SLC39A11: variants seen among roughly 807,000 people sequenced by gnomAD.
SLC39A11 encodes the protein solute carrier family 39 member 11.
Under a neutral mutation model 36.1 loss-of-function variants are expected in SLC39A11, and 33 were observed. The observed-to-expected ratio is 0.91, with a 90% confidence interval of 0.69 to 1.22. The LOEUF is 1.22. Among genes scored for constraint, SLC39A11 ranks in the 50% most tolerant of loss-of-function variants. SLC39A11 has a pLI of 0.00. For synonymous variants in SLC39A11, 166 were observed against 170.3 expected, an observed-to-expected ratio of 0.97 and a Z score of 0.20; for missense variants, 432 against 430.3, an observed-to-expected ratio of 1.00 and a Z score of -0.03.
At chr17:72,895,786 C>T (rs1292171286) in intron 5 of SLC39A11, among the ~76,000 whole-genome samples, 1 of 152,106 alleles carries the variant, frequency 6.6e-6, no homozygotes, top group East Asian at 1.9e-4. Flanking sequence ...AATTCCATTA[C>T]TTTCAGCAAA....
At chr17:72,693,311 C>T (rs1360193200) in intron 7 of SLC39A11, among the ~76,000 whole-genome samples, 1 of 146,086 alleles carries the variant, frequency 6.8e-6, no homozygotes, top group African/African-American at 2.5e-5. Flanking sequence ...GGAACACTGA[C>T]CAGCCAGCAA....
chr17:73,026,200 G>GGAAGAGAAGAGAAGAGAAGAGAAGA (rs763842495), intron 4 of SLC39A11, among the ~76,000 whole-genome samples: 1 of 126,926 alleles, frequency 7.9e-6, no homozygotes, highest in Non-Finnish European at 1.6e-5. Flanking sequence ...AGAAGAGAAG[G>GGAAGAGAAGAGAAGAGAAGAGAAGA]GAAGAGAAGA....
chr17:72,809,345 T>G (rs2077365322), intron 6 of SLC39A11, among the ~76,000 whole-genome samples: 1 of 152,062 alleles, frequency 6.6e-6, no homozygotes, highest in African/African-American at 2.4e-5. Context: ...GAGCGGCAAT[T>G]GTTCTGTTAT....
intron 5 of SLC39A11, among the ~76,000 whole-genome samples, chr17:72,921,674 C>T (rs530750695): frequency 3.9e-5 from 6 of 152,248 alleles, no homozygotes; most frequent in Middle Eastern, 3.4e-3. Flanking sequence ...AGCCCCTGAT[C>T]GAAATGTTAG....
intron 3 of SLC39A11, among the ~76,000 whole-genome samples, chr17:73,048,000 T>A (rs200088417): frequency 0.024 from 1,384 of 56,576 alleles, 17 homozygotes; most frequent in East Asian, 0.096. Flanking sequence ...AATATATATA[T>A]ATATATATAT....
intron 7 of SLC39A11, among the ~76,000 whole-genome samples, chr17:72,656,589 G>T (rs937259802): frequency 6.6e-6 from 1 of 150,698 alleles, no homozygotes; most frequent in Non-Finnish European, 1.5e-5. Flanking sequence ...TGACTCCTGG[G>T]GTTGGGCTGC....
chr17:72,959,365 ATG>A (rs1382457629), intron 4 of SLC39A11, among the ~76,000 whole-genome samples: 8 of 140,590 alleles, frequency 5.7e-5, no homozygotes, highest in Non-Finnish European at 1.1e-4. Context: ...ATATATATAT[ATG>A]ATCGAATACT....
chr17:72,976,577 G>A (rs1230981898), intron 4 of SLC39A11, among the ~76,000 whole-genome samples: 1 of 152,252 alleles, frequency 6.6e-6, no homozygotes, highest in Non-Finnish European at 1.5e-5. Context: ...TTGGCCGGGC[G>A]CGGTGGCTCA....
At chr17:72,869,419 C>T (rs188878131) in intron 5 of SLC39A11, among the ~76,000 whole-genome samples, 35 of 152,294 alleles carry the variant, frequency 2.3e-4, no homozygotes, top group Non-Finnish European at 2.1e-4. Context: ...GATGGAGTTT[C>T]GCTCTTGTTG....
chr17:72,883,076 C>T (rs2081285763), intron 5 of SLC39A11, among the ~76,000 whole-genome samples: 2 of 152,062 alleles, frequency 1.3e-5, no homozygotes, highest in Non-Finnish European at 2.9e-5. Flanking sequence ...GGATTACAGG[C>T]TGAGCCACCG....
chr17:72,771,311 G>A (rs11077632), intron 6 of SLC39A11, among the ~76,000 whole-genome samples: 23,880 of 150,038 alleles, frequency 0.16, 2,397 homozygotes, highest in East Asian at 0.37. Flanking sequence ...AGATCGTGCC[G>A]CTGCACTCCA....
At chr17:73,041,062 G>C (rs1233216468) in intron 3 of SLC39A11, among the ~76,000 whole-genome samples, 1 of 149,548 alleles carries the variant, frequency 6.7e-6, no homozygotes, top group Non-Finnish European at 1.5e-5. Context: ...TCCAATCAGA[G>C]AATAATTCCC....
At chr17:73,015,902 A>G (rs1234378557) in intron 4 of SLC39A11, among the ~76,000 whole-genome samples, 1 of 152,118 alleles carries the variant, frequency 6.6e-6, no homozygotes, top group Non-Finnish European at 1.5e-5. Flanking sequence ...TTAGAGCAAA[A>G]TGAAAAGAAT....
chr17:73,081,758 TG>T lies in SLC39A11; in HGVS notation c.147+3049del, dbSNP rs575257242. Among the ~76,000 whole-genome samples, 38 of 145,964 alleles carry T rather than the reference TG, an allele frequency of 2.6e-4. 1 individual carries two copies. The East Asian group carries it at 3.8e-3, about 15-fold the overall frequency. ...GTATATATATATACATATATGTGTG[TG>T]GGTATATACATATATATATCATGGA... On this transcript the variant is annotated intron_variant, in intron 3 of 9. Coordinates refer to ENST00000255559, the MANE Select transcript of SLC39A11 (RefSeq NM_139177.4).
chr17:72,767,947 G>T (rs1036601020), intron 6 of SLC39A11, among the ~76,000 whole-genome samples: 5 of 151,974 alleles, frequency 3.3e-5, no homozygotes, highest in African/African-American at 1.2e-4. Context: ...AAAGCTCCTA[G>T]GTTATGCGTT....
At chr17:72,673,304 C>T (rs1000481034) in intron 7 of SLC39A11, among the ~76,000 whole-genome samples, 3 of 151,968 alleles carry the variant, frequency 2.0e-5, no homozygotes, top group Non-Finnish European at 4.4e-5. Context: ...GGGGTTTCAC[C>T]ATGTTGGCCA....
intron 6 of SLC39A11, among the ~76,000 whole-genome samples, chr17:72,800,801 T>G (rs374180913): frequency 1.4e-4 from 22 of 152,028 alleles, no homozygotes; most frequent in African/African-American, 3.1e-4. Flanking sequence ...AAAACAGAGT[T>G]TGGGGAAGGG....
At chr17:72,928,892 G>C (rs1598450114) in intron 5 of SLC39A11, among the ~76,000 whole-genome samples, 1 of 152,250 alleles carries the variant, frequency 6.6e-6, no homozygotes, top group Admixed American at 6.5e-5. Flanking sequence ...CTGAGCACCT[G>C]CTTCATGCCA....
chr17:72,845,335 C>G (rs9890473), intron 6 of SLC39A11, among the ~76,000 whole-genome samples: 6,290 of 152,282 alleles, frequency 0.041, 427 homozygotes, highest in African/African-American at 0.14. Flanking sequence ...TGCTGCTCAC[C>G]CTGCTGTGGC....
Sources: gnomAD v4.1 joint callset for allele counts (sites outside exome capture counted in the v4.1 genomes callset) on GRCh38, gnomAD v4.1.1 for gene constraint, MANE v1.5 for transcripts, NCBI Gene and HGNC (gene_info 2026-07-23, HGNC 2026-07-21) for gene names.